Variants in INPP1 observed in about 807,000 individuals in gnomAD.
INPP1 encodes inositol polyphosphate-1-phosphatase.
In INPP1, 18 loss-of-function variants were observed where a neutral mutation model predicts 23.0. That is an observed-to-expected ratio of 0.78 (90% confidence interval 0.54 to 1.16). The LOEUF (loss-of-function observed/expected upper bound fraction) is 1.16, where lower values mean the gene tolerates loss of function less well. Ranked by LOEUF, INPP1 falls within the 50% of genes most tolerant of loss-of-function variation. INPP1 has a pLI of 0.00. For missense variants in INPP1, 448 were observed against 482.1 expected, an observed-to-expected ratio of 0.93 and a Z score of 0.66; for synonymous variants, 164 against 176.3, an observed-to-expected ratio of 0.93 and a Z score of 0.55.
In INPP1 at chr2:190,360,024, C is replaced by A. The variant is rs1176962431; in HGVS notation, c.-64-15C>A. On this transcript the variant is annotated splice_polypyrimidine_tract_variant and intron_variant, in intron 2 of 6. Coordinates refer to ENST00000392329, the MANE Select transcript of INPP1 (RefSeq NM_001128928.2). Reference sequence around the variant, plus strand: ...TCTGAACTGCTTTCTCTTTCACATTCTTGTATTTTTCCAGCTGACGGCCCA... The same window carrying A: ...TCTGAACTGCTTTCTCTTTCACATTATTGTATTTTTCCAGCTGACGGCCCA... 5 of 1,424,602 alleles carry A rather than the reference C, an allele frequency of 3.5e-6. No homozygotes were observed. The African/African-American group carries it at 5.6e-5, about 16-fold the overall frequency. 88.2% of individuals were successfully genotyped at this position (1,424,602 alleles called of 1,614,324 possible).
In INPP1 at chr2:190,367,885, G is replaced by T. The variant is rs566166445; in HGVS notation, c.466+990G>T. Among the ~76,000 whole-genome samples the T allele has an allele frequency of 1.2e-4, 19 of 152,230 alleles. No homozygotes were observed. The highest frequency in any genetic ancestry group is 1.9e-4 in the Non-Finnish European group (13 of 68,012). On this transcript the variant is annotated intron_variant, in intron 5 of 6. Transcript: ENST00000392329. This position sits in a 1 kb window ranked among gnomAD's most constrained non-coding sequence, Gnocchi z 4.1. ...TGCCCAGCCAGCCTTTATCTTCAAT[G>T]ATGCTATTAATACAAGTTCTAGGTA... is the stretch of plus-strand genomic sequence containing the variant.
intron 6 of INPP1, among the ~76,000 whole-genome samples, chr2:190,370,243 CTACT>C (rs66608745): frequency 0.073 from 11,176 of 152,204 alleles, 907 homozygotes; most frequent in African/African-American, 0.2. Context: ...CCTCAGCAAG[CTACT>C]TACTTTCTCT....
intron 6 of INPP1, 97 bp from the exon 7 acceptor site, chr2:190,370,747 G>A (rs1575794554): frequency 1.2e-6 from 1 of 823,312 alleles, no homozygotes; most frequent in Non-Finnish European, 2.0e-6. Flanking sequence ...ATGTTATGAT[G>A]AATTGTGTAT....
At chr2:190,365,926 A>T (rs1312310612) in intron 4 of INPP1, among the ~76,000 whole-genome samples, 48 of 58,360 alleles carry the variant, frequency 8.2e-4, no homozygotes, top group African/African-American at 1.3e-3. Context: ...GCTCTGTCTC[A>T]CTGTCTCTCG....
chr2:190,362,570 A>G, intron 3 of INPP1, 57 bp from the exon 4 acceptor site: 1 of 1,024,174 alleles, frequency 9.8e-7, no homozygotes, highest in Non-Finnish European at 1.5e-6. Flanking sequence ...ATCTGTTCAG[A>G]ATTGAGCATA....
At position 190,368,249 on chromosome 2, in the gene INPP1, G is replaced by T. The variant is rs748521982; in HGVS notation, c.467-854G>T. ...TCTTTTGCCAGGCACATCCTTAGCC[G>T]TGTGTTGACTCCCTAGACGTCAGCA... is the stretch of plus-strand genomic sequence containing the variant. On this transcript the variant is annotated intron_variant, in intron 5 of 6. Transcript: ENST00000392329. This position sits in a 1 kb window ranked among gnomAD's most constrained non-coding sequence, Gnocchi z 4.3. 1.3e-5 allele frequency among the ~76,000 whole-genome samples: 2 copies of T among 152,140 alleles called. No individual in the cohort carries two copies. Among genetic ancestry groups the T allele is most frequent in the Non-Finnish European group, 2.9e-5 (2 of 68,028 alleles).
In INPP1 at chr2:190,356,104, C is replaced by T. The variant is rs191792207; in HGVS notation, c.-64-3935C>T. Among the ~76,000 whole-genome samples, 1 of 152,304 alleles carries T rather than the reference C, an allele frequency of 6.6e-6. No homozygotes were observed. Among genetic ancestry groups the T allele is most frequent in the Admixed American group, 6.5e-5 (1 of 15,302 alleles). On this transcript the variant is annotated intron_variant, in intron 2 of 6. Transcript: ENST00000392329. The surrounding 1 kb of genome is among the most constrained non-coding windows in gnomAD (Gnocchi z 6.4). ...GGTTAGGATGAATTGTGCAATGCTT[C>T]CTTCAGGTTTGTGGCCTGCCTGTGT... is the stretch of plus-strand genomic sequence containing the variant.
At position 190,363,632 on chromosome 2, in the gene INPP1, A is replaced by G. The variant is rs548567210; in HGVS notation, c.265+945A>G. ...AAATGAGTTTCTAGATTAACTCTGA[A>G]AATTTTTTAGTCTCCTTCATGCACC... On this transcript the variant is annotated intron_variant, in intron 4 of 6. Coordinates refer to ENST00000392329, the MANE Select transcript of INPP1 (RefSeq NM_001128928.2). The surrounding 1 kb of genome is among the most constrained non-coding windows in gnomAD (Gnocchi z 4.4). Among the ~76,000 whole-genome samples the G allele has an allele frequency of 1.3e-5, 2 of 152,300 alleles. No individual in the cohort carries two copies. The highest frequency in any genetic ancestry group is 4.1e-4 in the South Asian group (2 of 4,826).
chr2:190,344,767 A>G (rs942857842), intron 1 of INPP1, among the ~76,000 whole-genome samples: 10 of 152,226 alleles, frequency 6.6e-5, no homozygotes, highest in Non-Finnish European at 1.3e-4. Context: ...AGGTATTTTT[A>G]AAGTGTTGAA....
chr2:190,362,002 C>T (rs775142744), intron 3 of INPP1, among the ~76,000 whole-genome samples: 3 of 152,176 alleles, frequency 2.0e-5, no homozygotes, highest in Non-Finnish European at 4.4e-5. Flanking sequence ...GCTTCGTGAT[C>T]ATACAGAGAT....
chr2:190,370,806 T>C (rs1689785252), intron 6 of INPP1, 38 bp from the exon 7 acceptor site: 3 of 1,449,416 alleles, frequency 2.1e-6, no homozygotes, highest in Non-Finnish European at 1.9e-6. Flanking sequence ...GAAAAACAAA[T>C]GTGATAATCA....
chr2:190,369,138 A>G lies in INPP1; in HGVS notation c.502A>G (p.Ile168Val). 6.2e-7 allele frequency: 1 copy of G among 1,606,866 alleles called. No homozygotes were observed. Among genetic ancestry groups the G allele is most frequent in the African/African-American group, 1.3e-5 (1 of 74,944 alleles). The stretch of plus-strand genomic sequence containing the variant: ...TCAGTATATAAAAGGTTCTGCTGAC[A>G]TTAAATCCAACCAGGGAATCTTCCC... ...TYQYIKGSADIKSNQGIFPCG... is the reference protein window; with the variant it reads ...TYQYIKGSADVKSNQGIFPCG... The change falls in exon 6 of 7, where the codon ATT becomes GTT. Residue 168 changes from isoleucine to valine, a missense_variant. Ile to Val is a conservative substitution (Grantham distance 29). Transcript: ENST00000392329.
chr2:190,344,201 C>T (rs1414407095), intron 1 of INPP1: 1 of 156,948 alleles, frequency 6.4e-6, no homozygotes, highest in Non-Finnish European at 1.4e-5. Context: ...CCGCTGCAGC[C>T]AGCGCGGAGG....
rs1437865759 is a variant in INPP1, at chr2:190,356,275, T to C, written c.-64-3764T>C. On this transcript the variant is annotated intron_variant, in intron 2 of 6. Transcript: ENST00000392329. The surrounding 1 kb of genome is among the most constrained non-coding windows in gnomAD (Gnocchi z 6.4). ...CCTGGAACTTGACAAAATATGACAG[T>C]GTTGCCTAGGGCCAAAACGAAGAGT... 6.6e-6 allele frequency among the ~76,000 whole-genome samples: 1 copy of C among 152,214 alleles called. No individual in the cohort carries two copies. The highest frequency in any genetic ancestry group is 1.5e-5 in the Non-Finnish European group (1 of 68,034).
chr2:190,349,873 T>A lies in INPP1; in HGVS notation c.-65+842T>A, dbSNP rs1391264837. On this transcript the variant is annotated intron_variant, in intron 2 of 6. Coordinates refer to ENST00000392329, the MANE Select transcript of INPP1 (RefSeq NM_001128928.2). The stretch of plus-strand genomic sequence containing the variant: ...CGGTTTGTTTGTTTTTGAGACAGAG[T>A]TCACCGTGTCACCTAGGCTGGAGTG... 8.5e-5 allele frequency among the ~76,000 whole-genome samples: 13 copies of A among 152,286 alleles called. No individual in the cohort carries two copies. In the South Asian group the frequency reaches 2.7e-3, roughly 32 times the overall value.
At position 190,359,919 on chromosome 2, in the gene INPP1, T is replaced by G. The variant is rs1486864935; in HGVS notation, c.-64-120T>G. 8.5e-6 allele frequency: 5 copies of G among 586,970 alleles called. No individual in the cohort carries two copies. In the Admixed American group the frequency reaches 1.5e-4, roughly 17 times the overall value. The allele number at this position is 586,970 out of a possible 1,614,324, so 36.4% of individuals were successfully genotyped here. On this transcript the variant is annotated intron_variant, in intron 2 of 6. Transcript: ENST00000392329. Reference sequence around the variant, plus strand: ...CCACACTGAGGATGTGAATATGATATAGACTAGCTGTTCACCAGGCTGACC... The same window carrying G: ...CCACACTGAGGATGTGAATATGATAGAGACTAGCTGTTCACCAGGCTGACC...
chr2:190,361,110 AACT>A (rs1689525050), intron 3 of INPP1, among the ~76,000 whole-genome samples: 1 of 147,878 alleles, frequency 6.8e-6, no homozygotes, highest in African/African-American at 2.6e-5. Context: ...TTTGATGAAG[AACT>A]ACTATTACAA....
intron 2 of INPP1, among the ~76,000 whole-genome samples, chr2:190,359,427 G>T (rs1380640185): frequency 1.3e-5 from 2 of 151,744 alleles, no homozygotes; most frequent in Non-Finnish European, 2.9e-5. Context: ...CATGGTGGTG[G>T]GCGCCTGTAG....
In INPP1 at chr2:190,345,688, C is replaced by G. The variant is rs908102422; in HGVS notation, c.-209+1727C>G. The G allele has an allele frequency of 1.3e-5, 2 of 152,178 alleles. No homozygotes were observed. The highest frequency in any genetic ancestry group is 6.5e-5 in the Admixed American group (1 of 15,278). The allele number at this position is 152,178 out of a possible 1,614,324, so 9.4% of individuals were successfully genotyped here. On this transcript the variant is annotated intron_variant, in intron 1 of 6. Transcript: ENST00000392329. The surrounding 1 kb of genome is among the most constrained non-coding windows in gnomAD (Gnocchi z 4.9). ...AATAAAACTATGTTAATGTGTTTGG[C>G]TGAGAGCTTAGAAATAAAGGCTCTG... is the stretch of plus-strand genomic sequence containing the variant.
Sources: allele counts gnomAD v4.1 joint callset (sites outside exome capture counted in the v4.1 genomes callset), GRCh38; gene constraint gnomAD v4.1.1; non-coding constraint Gnocchi (gnomAD v3.1); transcripts MANE v1.5; gene names NCBI Gene and HGNC (gene_info 2026-07-23, HGNC 2026-07-21).